The following SYNE2 variants were observed in gnomAD, a reference collection of about 807,000 sequenced individuals.
SYNE2 encodes spectrin repeat containing nuclear envelope protein 2.
A neutral mutation model predicts 856.3 loss-of-function variants in SYNE2; 431 were observed. The observed-to-expected ratio is 0.50, with a 90% CI of 0.47 to 0.55. SYNE2 has a LOEUF of 0.55. Among genes scored for constraint, SYNE2 ranks in the 20% least tolerant of loss-of-function variants. SYNE2 has a pLI of 0.00. For missense variants in SYNE2, 8,129 were observed against 8,023.2 expected (o/e 1.01, Z -0.50); for synonymous variants, 2,923 against 2,872.3 (o/e 1.02, Z -0.56).
At chr14:63,807,663 T>A (rs1234257831) in intron 1 of SYNE2, among the ~76,000 whole-genome samples, 1 of 121,644 alleles carries the variant, frequency 8.2e-6, no homozygotes, top group Non-Finnish European at 1.9e-5. Context: ...GAAAGGTTTT[T>A]CCTTACCATT....
At chr14:63,804,491 T>C (rs1392829117) in intron 1 of SYNE2, among the ~76,000 whole-genome samples, 1 of 152,232 alleles carries the variant, frequency 6.6e-6, no homozygotes, top group East Asian at 1.9e-4. Flanking sequence ...TCTTTTCTTT[T>C]CCTTTCTTTT....
intron 18 of SYNE2, among the ~76,000 whole-genome samples, chr14:63,985,185 C>T (rs912394036): frequency 6.6e-6 from 1 of 151,948 alleles, no homozygotes; most frequent in African/African-American, 2.4e-5. Flanking sequence ...CAAAAATTAG[C>T]TGGGAGTGGT....
intron 60 of SYNE2, 33 bp from the exon 61 acceptor site, chr14:64,093,316 C>T (rs200222068): frequency 2.1e-4 from 343 of 1,612,088 alleles, no homozygotes; most frequent in Non-Finnish European, 2.8e-4. Flanking sequence ...TAGATTATGA[C>T]AAAGATTCTT....
rs2097327898 is a variant in SYNE2 at position 64,062,803 on chromosome 14, A to G, written c.10120A>G (p.Asn3374Asp). The G allele has an allele frequency of 6.2e-7, 1 of 1,613,966 alleles. No homozygotes were observed. ...YRKMEEDIYTNLSKMETVLGQ... is the reference protein window; with the variant it reads ...YRKMEEDIYTDLSKMETVLGQ... Reference sequence around the variant, plus strand: ...AAAAATGGAAGAGGATATTTACACTAACCTCAGCAAAATGGAGACAGTTCT... The same window carrying G: ...AAAAATGGAAGAGGATATTTACACTGACCTCAGCAAAATGGAGACAGTTCT... The change falls in exon 50 of 116, where the codon AAC (asparagine) becomes GAC (aspartate). Residue 3374 changes from asparagine to aspartate, a missense_variant. Transcript: ENST00000555002.
At chr14:63,825,242 A>C (rs935692305) in intron 1 of SYNE2, among the ~76,000 whole-genome samples, 2 of 152,206 alleles carry the variant, frequency 1.3e-5, no homozygotes, top group Non-Finnish European at 2.9e-5. Context: ...TATTTTCATC[A>C]CTTCCACTCA....
At chr14:63,808,848 C>A (rs1344685597) in intron 1 of SYNE2, 2 of 152,224 alleles carry the variant, frequency 1.3e-5, no homozygotes, top group African/African-American at 4.8e-5. Flanking sequence ...CAGGGTGAAA[C>A]CCCATCTCTG....
At chr14:63,786,131 T>C (rs565901893) in intron 1 of SYNE2, among the ~76,000 whole-genome samples, 5 of 152,118 alleles carry the variant, frequency 3.3e-5, no homozygotes, top group African/African-American at 1.2e-4. Context: ...GTGCCTGTAA[T>C]CCCAGCTACT....
chr14:64,190,353 T>A, intron 99 of SYNE2, 116 bp downstream of exon 99: 2 of 1,364,492 alleles, frequency 1.5e-6, no homozygotes, highest in Non-Finnish European at 2.1e-6. Context: ...GTTTACAGAT[T>A]AAGGCAAAGT....
chr14:64,214,775 T>G (rs2098657895), intron 106 of SYNE2, among the ~76,000 whole-genome samples: 1 of 152,178 alleles, frequency 6.6e-6, no homozygotes, highest in Non-Finnish European at 1.5e-5. Context: ...GGTCTCACAC[T>G]GTCACCCAGG....
In SYNE2 at chr14:64,098,071, A is replaced by G. The variant is rs747771974; in HGVS notation, c.12231A>G (p.Gly4077=). Residue 4077 remains glycine, a synonymous_variant, in exon 62 of 116, where the codon GGA becomes GGG. Coordinates refer to ENST00000555002, the MANE Select transcript of SYNE2 (RefSeq NM_182914.3). Reference sequence around the variant, plus strand: ...AGCATTTGAAGCAAGAACAAGAAGGAGTAGAAAGAGATAGGCTGCCAGCTG... The same window carrying G: ...AGCATTTGAAGCAAGAACAAGAAGGGGTAGAAAGAGATAGGCTGCCAGCTG... ...LHQHLKQEQE[G]VERDRLPAVT... is the part of the protein sequence containing the mutation. The G allele has an allele frequency of 1.2e-6, 2 of 1,614,184 alleles. No individual in the cohort carries two copies. Among genetic ancestry groups the G allele is most frequent in the Admixed American group, 3.3e-5 (2 of 60,024 alleles).
At chr14:63,978,104 T>G in intron 13 of SYNE2, 87 bp downstream of exon 13, 1 of 882,264 alleles carries the variant, frequency 1.1e-6, no homozygotes, top group Non-Finnish European at 1.9e-6. Context: ...ATACAGATTT[T>G]TAGATAATTT....
chr14:63,946,990 C>T (rs1214759673), intron 6 of SYNE2, among the ~76,000 whole-genome samples: 2 of 152,074 alleles, frequency 1.3e-5, no homozygotes, highest in Non-Finnish European at 2.9e-5. Context: ...TCTGGGGCTA[C>T]AGGTGTACAC....
intron 2 of SYNE2, among the ~76,000 whole-genome samples, chr14:63,930,082 C>T (rs549040089): frequency 2.0e-5 from 3 of 152,050 alleles, no homozygotes; most frequent in Admixed American, 6.5e-5. Flanking sequence ...GCCAGGATTT[C>T]GAGACCAGCC....
Position 63,980,969 on chromosome 14 carries a change from T to C in SYNE2, c.1649-17T>C. On this transcript the variant is annotated splice_polypyrimidine_tract_variant and intron_variant, in intron 15 of 115. Transcript: ENST00000555002. The stretch of plus-strand genomic sequence containing the variant: ...ATTGTTTTCTAAGATTACTTTTTTG[T>C]TTTGTTAATATTGTAGCTGGAGAAT... 1 of 1,511,050 alleles carries C rather than the reference T, an allele frequency of 6.6e-7. No homozygotes were observed. Among genetic ancestry groups the C allele is most frequent in the Non-Finnish European group, 9.1e-7 (1 of 1,100,618 alleles). The allele number at this position is 1,511,050 out of a possible 1,614,324, so 93.6% of individuals were successfully genotyped here.
intron 85 of SYNE2, among the ~76,000 whole-genome samples, chr14:64,153,477 T>A (rs2098261302): frequency 6.6e-6 from 1 of 152,186 alleles, no homozygotes; most frequent in Non-Finnish European, 1.5e-5. Context: ...TGTCACCTAC[T>A]AAAATCTACT....
At chr14:64,130,287 C>T in intron 76 of SYNE2, 39 bp downstream of exon 76, 1 of 1,528,210 alleles carries the variant, frequency 6.5e-7, no homozygotes, top group South Asian at 1.2e-5. Context: ...CCTTCATAGA[C>T]TAAAATCTTA....
At chr14:63,819,841 T>G (rs1222822056) in intron 1 of SYNE2, among the ~76,000 whole-genome samples, 1 of 152,162 alleles carries the variant, frequency 6.6e-6, no homozygotes, top group African/African-American at 2.4e-5. Flanking sequence ...TGCCCCAATT[T>G]TATTTCTTTA....
chr14:64,133,710 T>C (rs914540385), intron 77 of SYNE2, among the ~76,000 whole-genome samples: 2 of 152,160 alleles, frequency 1.3e-5, no homozygotes, highest in East Asian at 3.9e-4. Context: ...TCTTTCCCTT[T>C]CCTAATAAGA....
chr14:63,827,625 C>CAAAAAAAAAAAAAAACAAAAAAAAAAAAA (rs1889486919), intron 1 of SYNE2, among the ~76,000 whole-genome samples: 4 of 28,400 alleles, frequency 1.4e-4, no homozygotes, highest in Non-Finnish European at 2.5e-4. Flanking sequence ...AACTCTGTCT[C>CAAAAAAAAAAAAAAACAAAAAAAAAAAAA]AAAAAAAAAA....
Sources: gnomAD v4.1 joint callset for allele counts (sites outside exome capture counted in the v4.1 genomes callset) on GRCh38, gnomAD v4.1.1 for gene constraint, MANE v1.5 for transcripts, NCBI Gene and HGNC (gene_info 2026-07-23, HGNC 2026-07-21) for gene names.